Variants in RELB observed in about 807,000 individuals in gnomAD.
RELB encodes the protein transcription factor RelB.
RELB carries 14 observed loss-of-function variants against 55.4 expected under a neutral mutation model. The observed-to-expected ratio is 0.25, with a 90% CI of 0.17 to 0.40. The LOEUF (loss-of-function observed/expected upper bound fraction) is 0.40, where lower values mean the gene tolerates loss of function less well. RELB is among the 10% of genes least tolerant of loss of function. The pLI, the probability that RELB is intolerant of heterozygous loss-of-function variation, is 1.00. For synonymous variants in RELB, 409 were observed against 371.3 expected, an observed-to-expected ratio of 1.10 and a Z score of -1.17; for missense variants, 669 against 830.7, an observed-to-expected ratio of 0.81 and a Z score of 2.39.
intron 7 of RELB, among the ~76,000 whole-genome samples, chr19:45,026,821 G>A (rs1420617687): frequency 6.6e-6 from 1 of 152,150 alleles, no homozygotes; most frequent in African/African-American, 2.4e-5. Flanking sequence ...GAGGGATACA[G>A]GCATAGAAGA....
At chr19:45,014,027 C>T (rs772975469) in intron 4 of RELB, among the ~76,000 whole-genome samples, 151 of 152,172 alleles carry the variant, frequency 9.9e-4, no homozygotes, top group East Asian at 4.1e-3. Flanking sequence ...GATCCTCCAG[C>T]TAATGTGGTG....
intron 8 of RELB, among the ~76,000 whole-genome samples, chr19:45,029,370 C>T (rs1349397665): frequency 6.6e-6 from 1 of 152,058 alleles, no homozygotes; most frequent in Admixed American, 6.6e-5. Flanking sequence ...AGAAGCAACT[C>T]CACTTCATTC....
intron 4 of RELB, among the ~76,000 whole-genome samples, chr19:45,014,755 G>T (rs968162731): frequency 2.0e-5 from 3 of 152,048 alleles, no homozygotes; most frequent in Admixed American, 6.6e-5. Flanking sequence ...CTGACCCCAA[G>T]TGATCTGTCT....
At chr19:45,024,708 C>T (rs1350860522) in intron 5 of RELB, among the ~76,000 whole-genome samples, 1 of 150,204 alleles carries the variant, frequency 6.7e-6, no homozygotes, top group Non-Finnish European at 1.5e-5. Flanking sequence ...CGCCACCACA[C>T]CCAGCTAATT....
At chr19:45,004,832 A>G (rs1326488210) in intron 2 of RELB, among the ~76,000 whole-genome samples, 11 of 151,120 alleles carry the variant, frequency 7.3e-5, no homozygotes, top group Admixed American at 4.6e-4. Flanking sequence ...ATGGCATTGC[A>G]CTCCAGCCTG....
intron 8 of RELB, 82 bp from the exon 9 acceptor site, chr19:45,032,452 T>G: frequency 1.7e-6 from 2 of 1,179,632 alleles, no homozygotes; most frequent in Non-Finnish European, 2.4e-6. Context: ...ATATTAGTCT[T>G]GATTTTAGGG....
At chr19:45,006,731 T>G (rs1226839867) in intron 2 of RELB, among the ~76,000 whole-genome samples, 1 of 150,180 alleles carries the variant, frequency 6.7e-6, no homozygotes, top group African/African-American at 2.4e-5. Context: ...GAGGCCGAGG[T>G]GGGTGGATCA....
chr19:45,020,013 C>T (rs1170840005), intron 4 of RELB, among the ~76,000 whole-genome samples: 1 of 152,060 alleles, frequency 6.6e-6, no homozygotes, highest in Admixed American at 6.6e-5. Context: ...CCACCTCGGC[C>T]TCCCAAAGCG....
chr19:45,030,098 C>T (rs556424725), intron 8 of RELB, among the ~76,000 whole-genome samples: 1 of 149,876 alleles, frequency 6.7e-6, no homozygotes, highest in African/African-American at 2.5e-5. Flanking sequence ...GCCCGGGAGG[C>T]GGAGGCTGCA....
At chr19:45,017,749 A>G (rs550681960) in intron 4 of RELB, among the ~76,000 whole-genome samples, 166 of 149,056 alleles carry the variant, frequency 1.1e-3, no homozygotes, top group African/African-American at 3.8e-3. Context: ...AGGTTCAAGC[A>G]GTCCTCTTGC....
chr19:45,025,196 G>A (rs1165152848), intron 5 of RELB, 133 bp from the exon 6 acceptor site: 1 of 667,692 alleles, frequency 1.5e-6, no homozygotes, highest in African/African-American at 1.8e-5. Flanking sequence ...TCTAATGCTG[G>A]GACCCCTGGG....
chr19:45,031,219 T>A (rs937402481), intron 8 of RELB, among the ~76,000 whole-genome samples: 3 of 152,126 alleles, frequency 2.0e-5, no homozygotes, highest in African/African-American at 7.2e-5. Flanking sequence ...TGTTTTTTTT[T>A]TTAAGAACCA....
In RELB at chr19:45,023,393, T is replaced by TTCCTTCCTTCCTTCCTTCC. The variant is rs773540492; in HGVS notation, c.662+1184_662+1185insCCTTCCTTCCTTCCTTCCT. On this transcript the variant is annotated intron_variant, in intron 5 of 11. Transcript: ENST00000221452. ...CATTGGTGTTTAATTTGCAGTTTTCTTTCCTTCCTTCCTTCCTTCCTTCCT... is the reference window on the plus strand; with the variant it reads ...CATTGGTGTTTAATTTGCAGTTTTCTTCCTTCCTTCCTTCCTTCCTTCCTTCCTTCCTTCCTTCCTTCCT... 3.0e-3 allele frequency among the ~76,000 whole-genome samples: 434 copies of TTCCTTCCTTCCTTCCTTCC among 144,682 alleles called. 2 individuals carry two copies. Among genetic ancestry groups the TTCCTTCCTTCCTTCCTTCC allele is most frequent in the Middle Eastern group, 6.8e-3 (2 of 292 alleles). 94.9% of individuals were successfully genotyped at this position (144,682 alleles called of 152,430 possible).
At chr19:45,019,431 T>A (rs980097979) in intron 4 of RELB, among the ~76,000 whole-genome samples, 4 of 152,084 alleles carry the variant, frequency 2.6e-5, no homozygotes, top group African/African-American at 9.7e-5. Flanking sequence ...CACCCCTAAT[T>A]CCTTCAGGAT....
At chr19:45,002,127 G>A (rs1971219752) in intron 1 of RELB, among the ~76,000 whole-genome samples, 1 of 148,154 alleles carries the variant, frequency 6.7e-6, no homozygotes, top group Admixed American at 6.7e-5. Flanking sequence ...TGGCCGTGAG[G>A]GCAGGAAGGG....
intron 5 of RELB, among the ~76,000 whole-genome samples, chr19:45,023,071 G>T (rs903360256): frequency 2.0e-5 from 3 of 152,124 alleles, no homozygotes; most frequent in Non-Finnish European, 4.4e-5. Context: ...CTCACACTCA[G>T]GTCTGGAAGA....
intron 2 of RELB, among the ~76,000 whole-genome samples, chr19:45,007,947 G>A (rs540646847): frequency 6.8e-6 from 1 of 147,200 alleles, no homozygotes; most frequent in South Asian, 2.1e-4. Context: ...ATGAGGTCAG[G>A]AGATCGAGAC....
chr19:45,010,459 G>A (rs542095908), intron 3 of RELB, among the ~76,000 whole-genome samples: 1 of 151,820 alleles, frequency 6.6e-6, no homozygotes, highest in East Asian at 1.9e-4. Flanking sequence ...GGGAGACAGA[G>A]GAAAATGAAC....
At chr19:45,021,963 A>T in intron 4 of RELB, 90 bp from the exon 5 acceptor site, 1 of 1,304,642 alleles carries the variant, frequency 7.7e-7, no homozygotes, top group Non-Finnish European at 1.0e-6. Context: ...TGGGGAGAGG[A>T]TTGGGGAGCT....
Sources: allele counts gnomAD v4.1 joint callset (sites outside exome capture counted in the v4.1 genomes callset), GRCh38; gene constraint gnomAD v4.1.1; transcripts MANE v1.5; gene names NCBI Gene and HGNC (gene_info 2026-07-23, HGNC 2026-07-21).